Variants in PARD3B observed in about 807,000 individuals in gnomAD.
PARD3B encodes partitioning defective 3 homolog B.
In PARD3B, 103 loss-of-function variants were observed where a neutral mutation model predicts 130.2. The observed-to-expected ratio is 0.79, with a 90% CI of 0.67 to 0.93. The LOEUF is 0.93. Among genes scored for constraint, PARD3B ranks in the 40% least tolerant of loss-of-function variants. The pLI, the probability that PARD3B is intolerant of heterozygous loss-of-function variation, is 0.00. For missense variants in PARD3B, 1,609 were observed against 1,499.2 expected, an observed-to-expected ratio of 1.07 and a Z score of -1.21; for synonymous variants, 583 against 553.2, an observed-to-expected ratio of 1.05 and a Z score of -0.76.
chr2:205,410,981 G>A (rs916820424), intron 19 of PARD3B, among the ~76,000 whole-genome samples: 3 of 152,112 alleles, frequency 2.0e-5, no homozygotes, highest in Non-Finnish European at 4.4e-5. Flanking sequence ...CTTTGAATAT[G>A]CTTTTTCTGC....
At position 205,336,112 on chromosome 2, in the gene PARD3B, C is replaced by G. The variant is rs573233874; in HGVS notation, c.2630+34411C>G. Among the ~76,000 whole-genome samples the G allele has an allele frequency of 1.5e-3, 232 of 152,276 alleles. 2 individuals carry two copies. The highest frequency in any genetic ancestry group is 5.3e-3 in the African/African-American group (220 of 41,564). The stretch of plus-strand genomic sequence containing the variant: ...CAAGCGATCTACGCACCTCGGCCTC[C>G]CAAAGTGCTGGGATTACAGGTGTGA... On this transcript the variant is annotated intron_variant, in intron 18 of 22. Coordinates refer to ENST00000406610, the MANE Select transcript of PARD3B (RefSeq NM_001302769.2).
At chr2:205,154,824 C>T (rs866005085) in intron 10 of PARD3B, among the ~76,000 whole-genome samples, 51 of 152,302 alleles carry the variant, frequency 3.3e-4, no homozygotes, top group African/African-American at 1.1e-3. Context: ...CATGTTCTCA[C>T]TCATAGGTGG....
At chr2:204,666,695 G>A (rs2036039223) in intron 1 of PARD3B, among the ~76,000 whole-genome samples, 2 of 152,044 alleles carry the variant, frequency 1.3e-5, no homozygotes, top group Admixed American at 6.6e-5. Flanking sequence ...TCACACAAGT[G>A]GGAAACTATC....
chr2:204,942,223 T>C (rs913259658), intron 2 of PARD3B, among the ~76,000 whole-genome samples: 2 of 152,208 alleles, frequency 1.3e-5, no homozygotes, highest in Admixed American at 1.3e-4. Context: ...TTTTTCTTGT[T>C]GGTTAAAGTT....
At chr2:205,224,258 C>A (rs1464264049) in intron 15 of PARD3B, among the ~76,000 whole-genome samples, 1 of 139,596 alleles carries the variant, frequency 7.2e-6, no homozygotes, top group African/African-American at 2.7e-5. Flanking sequence ...GTAGTCCCAG[C>A]TACTCGGGAG....
At chr2:205,582,287 A>G (rs1450132512) in intron 22 of PARD3B, among the ~76,000 whole-genome samples, 2 of 152,214 alleles carry the variant, frequency 1.3e-5, no homozygotes, top group African/African-American at 2.4e-5. Flanking sequence ...GATAATTCCT[A>G]TCGTCTTGCC....
At chr2:204,630,739 A>G (rs888623935) in intron 1 of PARD3B, among the ~76,000 whole-genome samples, 8 of 152,050 alleles carry the variant, frequency 5.3e-5, no homozygotes, top group African/African-American at 1.7e-4. Context: ...TTCAGATTTT[A>G]TAGTTTATGT....
Position 205,439,202 on chromosome 2 carries a change from G to C in PARD3B, c.2742-1168G>C, listed in dbSNP as rs188649217. ...TGGGTTTCAGTTGTTTTTTTAACTC[G>C]TCCTGGCCTCCCGTATGTCTCCAGT... is the stretch of plus-strand genomic sequence containing the variant. On this transcript the variant is annotated intron_variant, in intron 19 of 22. Transcript: ENST00000406610. Among the ~76,000 whole-genome samples the C allele has an allele frequency of 9.9e-5, 15 of 151,942 alleles. No individual in the cohort carries two copies. The East Asian group carries it at 2.1e-3, about 22-fold the overall frequency.
Position 205,224,219 on chromosome 2 carries a change from A to T in PARD3B, c.2141-21559A>T, listed in dbSNP as rs537557381. 2.7e-5 allele frequency among the ~76,000 whole-genome samples: 4 copies of T among 147,414 alleles called. No homozygotes were observed. The East Asian group carries it at 8.4e-4, about 31-fold the overall frequency. ...CCCCGTCTCTACTAAAAATACAAAAAAATTAGCCGGGCATGGTGGCAGGTG... is the reference window on the plus strand; with the variant it reads ...CCCCGTCTCTACTAAAAATACAAAATAATTAGCCGGGCATGGTGGCAGGTG... On this transcript the variant is annotated intron_variant, in intron 15 of 22. Transcript: ENST00000406610.
chr2:205,300,573 G>A lies in PARD3B; in HGVS notation c.2229G>A (p.Lys743=), dbSNP rs759606208. The change falls in exon 17 of 23, where the codon AAG becomes AAA. Residue 743 remains lysine, a synonymous_variant. Transcript: ENST00000406610. This position sits in a 1 kb window ranked among gnomAD's most constrained non-coding sequence, Gnocchi z 4.1. ...TTGGTCCAACTCTGGGTTTGAAAAA[G>A]TCCAGCTCCTTGGAGAGTCTGCAGA... ...KDFGPTLGLK[K]SSSLESLQTA... 1 of 1,613,840 alleles carries A rather than the reference G, an allele frequency of 6.2e-7. No homozygotes were observed.
chr2:204,782,512 G>A (rs899964736), intron 2 of PARD3B, among the ~76,000 whole-genome samples: 4 of 149,624 alleles, frequency 2.7e-5, no homozygotes, highest in African/African-American at 9.8e-5. Flanking sequence ...ATGTTATATA[G>A]TATGTATGTA....
chr2:205,277,059 G>C (rs1179724952), intron 16 of PARD3B, among the ~76,000 whole-genome samples: 4 of 152,206 alleles, frequency 2.6e-5, no homozygotes, highest in Non-Finnish European at 5.9e-5. Flanking sequence ...AAGAGTCCAT[G>C]CTCTTCAGGA....
rs779929895 is a variant in PARD3B, at chr2:205,011,619, G to A, written c.395-35962G>A. The stretch of plus-strand genomic sequence containing the variant: ...AGGCAGTGGGGCTTGCTAGGTGGCC[G>A]TCTTGGAGACAGGCTGCCATGGACT... On this transcript the variant is annotated intron_variant, in intron 3 of 22. Transcript: ENST00000406610. The surrounding 1 kb of genome is among the most constrained non-coding windows in gnomAD (Gnocchi z 4.1). Among the ~76,000 whole-genome samples the A allele has an allele frequency of 1.2e-4, 19 of 152,118 alleles. No homozygotes were observed. In the South Asian group the frequency reaches 1.7e-3, roughly 13 times the overall value.
intron 3 of PARD3B, among the ~76,000 whole-genome samples, chr2:205,014,854 C>T (rs1175419454): frequency 6.6e-6 from 1 of 152,170 alleles, no homozygotes; most frequent in Non-Finnish European, 1.5e-5. Flanking sequence ...GAAATTTAAG[C>T]TGAGGACATT....
chr2:204,789,633 A>G lies in PARD3B; in HGVS notation c.222+103351A>G, dbSNP rs115483898. Among the ~76,000 whole-genome samples, 1,131 of 152,282 alleles carry G rather than the reference A, an allele frequency of 7.4e-3. 11 individuals are homozygous for G. The highest frequency in any genetic ancestry group is 0.026 in the African/African-American group (1,067 of 41,564). On this transcript the variant is annotated intron_variant, in intron 2 of 22. Coordinates refer to ENST00000406610, the MANE Select transcript of PARD3B (RefSeq NM_001302769.2). ...GAAAGCCATCAGCCTGAATTCTGCA[A>G]TTTTTTTAAGATGAAAATTAAATGT...
At chr2:204,946,870 A>G (rs761972798) in intron 2 of PARD3B, among the ~76,000 whole-genome samples, 3 of 152,150 alleles carry the variant, frequency 2.0e-5, no homozygotes, top group South Asian at 2.1e-4. Flanking sequence ...AGAGGAGCTC[A>G]TGTTCCAGTC....
chr2:204,819,567 G>C lies in PARD3B; in HGVS notation c.222+133285G>C, dbSNP rs540255722. On this transcript the variant is annotated intron_variant, in intron 2 of 22. Coordinates refer to ENST00000406610, the MANE Select transcript of PARD3B (RefSeq NM_001302769.2). ...TCTATGTGTTCAAATGAAAGGAAGA[G>C]TCATACATCTCTCACTTTAAATCAA... 2.0e-5 allele frequency among the ~76,000 whole-genome samples: 3 copies of C among 152,276 alleles called. No individual in the cohort carries two copies. The East Asian group carries it at 5.8e-4, about 29-fold the overall frequency.
chr2:205,203,292 T>G (rs1559538580), intron 15 of PARD3B, among the ~76,000 whole-genome samples: 1 of 152,180 alleles, frequency 6.6e-6, no homozygotes, highest in Non-Finnish European at 1.5e-5. Context: ...TTAAATATTC[T>G]GGGCTCCTCT....
intron 13 of PARD3B, among the ~76,000 whole-genome samples, chr2:205,177,338 A>G (rs2035530479): frequency 6.6e-6 from 1 of 152,218 alleles, no homozygotes; most frequent in Non-Finnish European, 1.5e-5. Flanking sequence ...CCTAATCAGT[A>G]ACATTTTATG....
Sources: gnomAD v4.1 joint callset for allele counts (sites outside exome capture counted in the v4.1 genomes callset) on GRCh38, gnomAD v4.1.1 for gene constraint, Gnocchi (gnomAD v3.1) non-coding constraint, MANE v1.5 for transcripts, NCBI Gene and HGNC (gene_info 2026-07-23, HGNC 2026-07-21) for gene names.